ELOVL6: variants seen among roughly 807,000 people sequenced by gnomAD.
The protein encoded by ELOVL6 is very long chain fatty acid elongase 6.
ELOVL6 carries 8 observed loss-of-function variants against 31.7 expected under a neutral mutation model. The ratio of observed to expected loss-of-function variants is 0.25; its 90% CI spans 0.15 to 0.45. The LOEUF (loss-of-function observed/expected upper bound fraction) is 0.45. Among genes scored for constraint, ELOVL6 ranks in the 20% least tolerant of loss-of-function variants. The pLI, the probability that ELOVL6 is intolerant of heterozygous loss-of-function variation, is 1.00. For synonymous variants in ELOVL6, 101 were observed against 117.7 expected (o/e 0.86, Z 0.92); for missense variants, 126 against 326.4 (o/e 0.39, Z 4.73).
intron 1 of ELOVL6, among the ~76,000 whole-genome samples, chr4:110,179,665 T>G (rs1449440375): frequency 6.6e-6 from 1 of 152,184 alleles, no homozygotes. Context: ...AATGAAAACT[T>G]AATTTATATA....
chr4:110,110,401 ATTTT>A lies in ELOVL6; in HGVS notation c.90-4777_90-4774del, dbSNP rs397878146. Among the ~76,000 whole-genome samples, 833 of 109,738 alleles carry A rather than the reference ATTTT, an allele frequency of 7.6e-3. 5 individuals are homozygous for A. Among genetic ancestry groups the A allele is most frequent in the African/African-American group, 0.025 (699 of 27,416 alleles). 72.0% of individuals were successfully genotyped at this position (109,738 alleles called of 152,430 possible). A position where few individuals can be genotyped will look rare whatever the true frequency, so the allele number is the denominator to read the frequency against. ...AAAAAAAATGGAAATTTTTCCGCAGATTTTTTTTTTTTTTTTTTTTTTTTGAGCC... is the reference window on the plus strand; with the variant it reads ...AAAAAAAATGGAAATTTTTCCGCAGATTTTTTTTTTTTTTTTTTTTGAGCC... On this transcript the variant is annotated intron_variant, in intron 1 of 3. Coordinates refer to ENST00000302274, the MANE Select transcript of ELOVL6 (RefSeq NM_024090.3).
intron 1 of ELOVL6, among the ~76,000 whole-genome samples, chr4:110,178,679 C>A (rs1006595399): frequency 2.6e-5 from 4 of 152,016 alleles, no homozygotes; most frequent in Non-Finnish European, 5.9e-5. Flanking sequence ...CATAGTGAGA[C>A]CTCGTCTCTA....
At chr4:110,159,931 A>AG (rs1758581711) in intron 1 of ELOVL6, among the ~76,000 whole-genome samples, 1 of 151,940 alleles carries the variant, frequency 6.6e-6, no homozygotes, top group South Asian at 2.1e-4. Flanking sequence ...GCTAAAAAAA[A>AG]TTTCCTTTCC....
At chr4:110,172,405 T>C (rs147666729) in intron 1 of ELOVL6, among the ~76,000 whole-genome samples, 1 of 152,330 alleles carries the variant, frequency 6.6e-6, no homozygotes, top group East Asian at 1.9e-4. Context: ...GACCAGACAC[T>C]TGTAGGAACT....
At chr4:110,193,480 C>T (rs1462582972) in intron 1 of ELOVL6, among the ~76,000 whole-genome samples, 1 of 152,068 alleles carries the variant, frequency 6.6e-6, no homozygotes, top group African/African-American at 2.4e-5. Context: ...TGGCAGGCAC[C>T]TGTAATCCCA....
In ELOVL6 at chr4:110,061,287, A is replaced by G. The variant is rs372967336; in HGVS notation, c.222-1533T>C. Among the ~76,000 whole-genome samples the G allele has an allele frequency of 1.3e-4, 20 of 152,214 alleles. No homozygotes were observed. The East Asian group carries it at 3.7e-3, about 28-fold the overall frequency. On this transcript the variant is annotated intron_variant, in intron 2 of 3. Transcript: ENST00000302274. ...TTCTCTTCTTGTTCACTGTGAGCCA[A>G]TCACTCCAGAACTTTCAGACACTTT...
chr4:110,095,796 G>C (rs1296047778), intron 2 of ELOVL6, among the ~76,000 whole-genome samples: 1 of 142,392 alleles, frequency 7.0e-6, no homozygotes, highest in Non-Finnish European at 1.5e-5. Context: ...ATAATTGGAG[G>C]GTCCAGGGTG....
At chr4:110,155,267 A>G (rs62326602) in intron 1 of ELOVL6, among the ~76,000 whole-genome samples, 6,700 of 152,162 alleles carry the variant, frequency 0.044, 211 homozygotes, top group South Asian at 0.11. Context: ...TAAGAATCAA[A>G]TCATAATGGT....
chr4:110,157,222 G>A (rs1758458658), intron 1 of ELOVL6, among the ~76,000 whole-genome samples: 2 of 152,080 alleles, frequency 1.3e-5, no homozygotes, highest in African/African-American at 4.8e-5. Context: ...ATAATTTATT[G>A]CAAAAAGTAG....
At chr4:110,110,090 T>C (rs1447136188) in intron 1 of ELOVL6, among the ~76,000 whole-genome samples, 1 of 152,180 alleles carries the variant, frequency 6.6e-6, no homozygotes. Context: ...CCTCCTCTTT[T>C]AAGAGTCCTC....
intron 2 of ELOVL6, among the ~76,000 whole-genome samples, chr4:110,084,109 ATG>A (rs1401748720): frequency 1.9e-5 from 2 of 107,178 alleles, no homozygotes; most frequent in Admixed American, 2.1e-4. Flanking sequence ...TATGATATAT[ATG>A]ATATATATAA....
intron 2 of ELOVL6, among the ~76,000 whole-genome samples, chr4:110,068,280 A>G (rs1223145106): frequency 6.6e-6 from 1 of 152,220 alleles, no homozygotes; most frequent in Admixed American, 6.5e-5. Context: ...GTATCATATG[A>G]TGATAATCTT....
chr4:110,117,906 A>ATATATATATATATATC (rs1757226356), intron 1 of ELOVL6: 2 of 22,862 alleles, frequency 8.7e-5, no homozygotes, highest in African/African-American at 3.6e-4. Flanking sequence ...AAAAAAAAAT[A>ATATATATATATATATC]TATATATATA....
At chr4:110,084,148 T>TGATATATATG (rs1756053978) in intron 2 of ELOVL6, among the ~76,000 whole-genome samples, 1 of 78,666 alleles carries the variant, frequency 1.3e-5, no homozygotes, top group African/African-American at 7.2e-5. Flanking sequence ...ATATATATGA[T>TGATATATATG]ATATATAACA....
chr4:110,053,527 G>A (rs187380906), intron 3 of ELOVL6, among the ~76,000 whole-genome samples: 66 of 152,306 alleles, frequency 4.3e-4, no homozygotes, highest in Middle Eastern at 3.4e-3. Context: ...AAAGTTGGCC[G>A]GGTGTGGTGA....
intron 2 of ELOVL6, among the ~76,000 whole-genome samples, chr4:110,082,653 GT>G (rs1755900875): frequency 6.6e-6 from 1 of 152,102 alleles, no homozygotes; most frequent in Non-Finnish European, 1.5e-5. Flanking sequence ...TAAATGATGA[GT>G]TAATGGGTGC....
At chr4:110,139,258 T>G (rs893785076) in intron 1 of ELOVL6, among the ~76,000 whole-genome samples, 4 of 152,204 alleles carry the variant, frequency 2.6e-5, no homozygotes, top group Non-Finnish European at 5.9e-5. Flanking sequence ...TCCAAGAATG[T>G]TCTCTGGAAC....
chr4:110,184,656 G>A (rs1759388176), intron 1 of ELOVL6, among the ~76,000 whole-genome samples: 1 of 152,144 alleles, frequency 6.6e-6, no homozygotes, highest in African/African-American at 2.4e-5. Context: ...GAAGTCAGTG[G>A]CAAGCACAAT....
At chr4:110,183,345 C>T (rs1220360904) in intron 1 of ELOVL6, among the ~76,000 whole-genome samples, 3 of 152,182 alleles carry the variant, frequency 2.0e-5, no homozygotes, top group Non-Finnish European at 2.9e-5. Flanking sequence ...CATCCCCTCC[C>T]TAATTCAAGT....
Sources: allele counts gnomAD v4.1 joint callset (sites outside exome capture counted in the v4.1 genomes callset), GRCh38; gene constraint gnomAD v4.1.1; transcripts MANE v1.5; gene names NCBI Gene and HGNC (gene_info 2026-07-23, HGNC 2026-07-21).